Variants in CENPP observed in about 807,000 individuals in gnomAD.
CENPP encodes the protein centromere protein P.
A neutral mutation model predicts 35.6 loss-of-function variants in CENPP; 24 were observed. The observed-to-expected ratio is 0.67, with a 90% CI of 0.49 to 0.95. The LOEUF is 0.95. CENPP is among the 40% of genes least tolerant of loss of function. The pLI is 0.00. For synonymous variants in CENPP, 120 were observed against 125.5 expected, an observed-to-expected ratio of 0.96 and a Z score of 0.29; for missense variants, 332 against 345.3, an observed-to-expected ratio of 0.96 and a Z score of 0.31.
intron 5 of CENPP, chr9:92,482,373 A>G (rs1174871730): frequency 2.0e-5 from 3 of 152,190 alleles, no homozygotes; most frequent in Non-Finnish European, 2.9e-5. Context: ...GTTCTCAGAC[A>G]CTGTGTAAGA....
rs1588330994 is a variant in CENPP at position 92,619,625 on chromosome 9, A to C, written c.*6476A>C. 1.4e-6 allele frequency: 2 copies of C among 1,423,226 alleles called. No individual in the cohort carries two copies. Among genetic ancestry groups the C allele is most frequent in the Non-Finnish European group, 1.9e-6 (2 of 1,032,300 alleles). The allele number at this position is 1,423,226 out of a possible 1,614,324, so 88.2% of individuals were successfully genotyped here. A position where few individuals can be genotyped will look rare whatever the true frequency, so the allele number is the denominator to read the frequency against. ...CAGGAAGCCTCTGCCCCCCCACACAACCTTCCTTCCCAGTAGCCAAGTGTG... is the reference window on the plus strand; with the variant it reads ...CAGGAAGCCTCTGCCCCCCCACACACCCTTCCTTCCCAGTAGCCAAGTGTG... On this transcript the variant is annotated 3_prime_UTR_variant, in exon 8 of 8. Transcript: ENST00000375587.
At chr9:92,496,341 C>T (rs183564221) in intron 5 of CENPP, 58 of 1,594,038 alleles carry the variant, frequency 3.6e-5, no homozygotes, top group South Asian at 1.9e-4. Context: ...GGTTTAAGAA[C>T]GATACTTGAG....
chr9:92,514,809 C>T lies in CENPP; in HGVS notation c.565-96505C>T, dbSNP rs756344651. 72 of 1,613,382 alleles carry T rather than the reference C, an allele frequency of 4.5e-5. No homozygotes were observed. The East Asian group carries it at 7.6e-4, about 17-fold the overall frequency. On this transcript the variant is annotated intron_variant, in intron 5 of 7. Transcript: ENST00000375587. ...GCATTCGGAACATATCTCCTCTTACCGGGTCCTCCTCGTCCTCCTCATCCT... is the reference window on the plus strand; with the variant it reads ...GCATTCGGAACATATCTCCTCTTACTGGGTCCTCCTCGTCCTCCTCATCCT...
chr9:92,555,214 ATTTTTTTTTTTTTTTT>A (rs34701393), intron 5 of CENPP, among the ~76,000 whole-genome samples: 21 of 63,466 alleles, frequency 3.3e-4, no homozygotes, highest in East Asian at 1.8e-3. Flanking sequence ...TTTTTTGGAA[ATTTTTTTTTTTTTTTT>A]TTTTTTTTTT....
At chr9:92,588,226 G>A (rs1850585662) in intron 5 of CENPP, among the ~76,000 whole-genome samples, 1 of 151,960 alleles carries the variant, frequency 6.6e-6, no homozygotes, top group African/African-American at 2.4e-5. Context: ...AAGAACAGCT[G>A]TGAGTTTTTT....
At chr9:92,446,067 C>T (rs1452782891) in intron 5 of CENPP, among the ~76,000 whole-genome samples, 1 of 151,894 alleles carries the variant, frequency 6.6e-6, no homozygotes, top group Non-Finnish European at 1.5e-5. Flanking sequence ...AAGTTGCTAG[C>T]ACTGTAAATG....
intron 5 of CENPP, among the ~76,000 whole-genome samples, chr9:92,408,578 C>T (rs1285803515): frequency 6.6e-6 from 1 of 152,126 alleles, no homozygotes; most frequent in Non-Finnish European, 1.5e-5. Context: ...GAACTTTTAT[C>T]GATTGAATCG....
At chr9:92,611,904 T>A (rs565954213) in intron 6 of CENPP, among the ~76,000 whole-genome samples, 1 of 152,344 alleles carries the variant, frequency 6.6e-6, no homozygotes, top group East Asian at 1.9e-4. Flanking sequence ...TGTGTGTGAA[T>A]GCCTCAACTC....
At chr9:92,595,479 C>T (rs1298375160) in intron 5 of CENPP, among the ~76,000 whole-genome samples, 1 of 152,108 alleles carries the variant, frequency 6.6e-6, no homozygotes, top group African/African-American at 2.4e-5. Context: ...TGACCTCAAG[C>T]AATCATCCGG....
chr9:92,560,842 A>G (rs1053803298), intron 5 of CENPP, among the ~76,000 whole-genome samples: 2 of 143,734 alleles, frequency 1.4e-5, no homozygotes, highest in Admixed American at 6.9e-5. Context: ...CTCCAAACCT[A>G]TCTATGCAGC....
intron 5 of CENPP, chr9:92,495,163 A>G (rs1846288370): frequency 1.4e-5 from 3 of 210,824 alleles, no homozygotes; most frequent in Non-Finnish European, 2.5e-5. Context: ...TTAAATAACT[A>G]AAGCTTAAAA....
rs1197161342 is a variant in CENPP, at chr9:92,618,432, G to A, written c.*5283G>A. ...TAAGAGATTCCCAGGTGCTAGACGA[G>A]GTGAGTAACATGTCTGTCCTTCAGC... On this transcript the variant is annotated 3_prime_UTR_variant, in exon 8 of 8. Transcript: ENST00000375587. The A allele has an allele frequency of 2.2e-6, 1 of 456,706 alleles. No homozygotes were observed. The highest frequency in any genetic ancestry group is 4.4e-6 in the Non-Finnish European group (1 of 226,972). 28.3% of individuals were successfully genotyped at this position (456,706 alleles called of 1,614,324 possible). A position where few individuals can be genotyped will look rare whatever the true frequency, so the allele number is the denominator to read the frequency against.
At position 92,548,250 on chromosome 9, in the gene CENPP, T is replaced by G. The variant is rs78741783; in HGVS notation, c.565-63064T>G. Among the ~76,000 whole-genome samples the G allele has an allele frequency of 4.3e-3, 658 of 152,292 alleles. 4 individuals carry two copies. Among genetic ancestry groups the G allele is most frequent in the African/African-American group, 0.014 (564 of 41,552 alleles). On this transcript the variant is annotated intron_variant, in intron 5 of 7. Transcript: ENST00000375587. ...TTCACTGCTGTGGCATCATGAAAGC[T>G]CTCTTGCTGGTACTTTCTCTGCTCA...
chr9:92,502,917 A>G (rs1247525841), intron 5 of CENPP, among the ~76,000 whole-genome samples: 2 of 149,160 alleles, frequency 1.3e-5, no homozygotes, highest in Non-Finnish European at 3.0e-5. Flanking sequence ...AAGTGATCCT[A>G]CCACCTCAGT....
intron 4 of CENPP, among the ~76,000 whole-genome samples, chr9:92,359,379 T>G (rs942312800): frequency 1.3e-5 from 2 of 152,158 alleles, no homozygotes; most frequent in African/African-American, 4.8e-5. Flanking sequence ...AGGCTTGTTA[T>G]TGTTATTATT....
At chr9:92,525,893 CA>C (rs71362395) in intron 5 of CENPP, among the ~76,000 whole-genome samples, 599 of 43,908 alleles carry the variant, frequency 0.014, 1 homozygote, top group African/African-American at 0.03. Flanking sequence ...ACTCTATCTC[CA>C]AAAAAAAAAA....
At chr9:92,429,632 C>T (rs1409458377) in intron 5 of CENPP, among the ~76,000 whole-genome samples, 2 of 152,034 alleles carry the variant, frequency 1.3e-5, no homozygotes, top group African/African-American at 4.8e-5. Flanking sequence ...ACTAAAAATA[C>T]AAAAATTAGC....
intron 4 of CENPP, among the ~76,000 whole-genome samples, chr9:92,374,295 C>G (rs1181214812): frequency 6.8e-6 from 1 of 147,480 alleles, no homozygotes; most frequent in African/African-American, 2.5e-5. Flanking sequence ...GTGAACCCCT[C>G]CTGGGTTCAA....
At chr9:92,435,306 A>G (rs966231383) in intron 5 of CENPP, among the ~76,000 whole-genome samples, 2 of 151,014 alleles carry the variant, frequency 1.3e-5, no homozygotes, top group South Asian at 4.2e-4. Flanking sequence ...GATTTCTCCT[A>G]TTACCTTAGA....
Sources: gnomAD v4.1 joint callset for allele counts (sites outside exome capture counted in the v4.1 genomes callset) on GRCh38, gnomAD v4.1.1 for gene constraint, MANE v1.5 for transcripts, NCBI Gene and HGNC (gene_info 2026-07-23, HGNC 2026-07-21) for gene names.